The following PTPRD variants were observed in gnomAD, a reference collection of about 807,000 sequenced individuals.
The protein encoded by PTPRD is protein tyrosine phosphatase receptor type D.
A neutral mutation model predicts 214.5 loss-of-function variants in PTPRD; 34 were observed. That is an observed-to-expected ratio of 0.16 (90% CI 0.12 to 0.21). The LOEUF is 0.21. Ranked by LOEUF, PTPRD falls within the 10% of genes least tolerant of loss-of-function variation. PTPRD has a pLI of 1.00. For synonymous variants in PTPRD, 1,128 were observed against 845.7 expected (o/e 1.33, Z -5.79); for missense variants, 2,545 against 2,398.7 (o/e 1.06, Z -1.27).
intron 12 of PTPRD, among the ~76,000 whole-genome samples, chr9:8,699,778 A>C (rs994979667): frequency 2.6e-5 from 4 of 152,044 alleles, no homozygotes; most frequent in African/African-American, 7.2e-5. Context: ...AAAAGAAAAA[A>C]AAAAAAAGAA....
chr9:8,763,545 T>G (rs2094532068), intron 11 of PTPRD, among the ~76,000 whole-genome samples: 1 of 151,432 alleles, frequency 6.6e-6, no homozygotes, highest in Admixed American at 6.6e-5. Flanking sequence ...TGTATTAATA[T>G]AACATATATA....
intron 10 of PTPRD, among the ~76,000 whole-genome samples, chr9:9,154,035 C>T (rs1337009358): frequency 6.6e-6 from 1 of 152,082 alleles, no homozygotes; most frequent in Non-Finnish European, 1.5e-5. Context: ...TGTGAGTAGA[C>T]GTGATCTAGT....
chr9:8,766,352 T>G (rs2094746685), intron 11 of PTPRD, among the ~76,000 whole-genome samples: 1 of 151,950 alleles, frequency 6.6e-6, no homozygotes, highest in Non-Finnish European at 1.5e-5. Flanking sequence ...CCAGTGTCAG[T>G]GAGTAAGTAT....
intron 10 of PTPRD, among the ~76,000 whole-genome samples, chr9:9,175,799 C>T (rs1485400109): frequency 6.6e-6 from 1 of 152,030 alleles, no homozygotes; most frequent in East Asian, 1.9e-4. Context: ...ATGCTAGGTA[C>T]CTCCAGGATC....
intron 11 of PTPRD, among the ~76,000 whole-genome samples, chr9:8,762,936 G>A (rs182577830): frequency 2.6e-4 from 39 of 152,276 alleles, no homozygotes; most frequent in Middle Eastern, 3.4e-3. Context: ...AGCATGGGAT[G>A]GAGCCTCCTT....
At chr9:8,413,980 C>G (rs1405261472) in intron 35 of PTPRD, among the ~76,000 whole-genome samples, 1 of 152,052 alleles carries the variant, frequency 6.6e-6, no homozygotes, top group Non-Finnish European at 1.5e-5. Flanking sequence ...CTTGAGAACA[C>G]TGCTATGGGG....
At chr9:9,228,507 G>A (rs1176713296) in intron 9 of PTPRD, among the ~76,000 whole-genome samples, 2 of 152,000 alleles carry the variant, frequency 1.3e-5, no homozygotes, top group Non-Finnish European at 2.9e-5. Context: ...GAATGTGTGT[G>A]ATCATATATA....
intron 11 of PTPRD, among the ~76,000 whole-genome samples, chr9:8,768,976 C>G (rs924891789): frequency 2.6e-5 from 4 of 152,156 alleles, no homozygotes; most frequent in African/African-American, 9.7e-5. Flanking sequence ...TCCCGTGTTT[C>G]AAGGGTGTTT....
At chr9:9,181,188 G>T (rs75414927) in intron 10 of PTPRD, among the ~76,000 whole-genome samples, 1 of 151,466 alleles carries the variant, frequency 6.6e-6, no homozygotes, top group Non-Finnish European at 1.5e-5. Flanking sequence ...CACATACTAA[G>T]GGCTCAACAA....
chr9:8,739,865 G>A (rs566030230), intron 11 of PTPRD, among the ~76,000 whole-genome samples: 4 of 152,208 alleles, frequency 2.6e-5, no homozygotes, highest in East Asian at 3.9e-4. Flanking sequence ...TGATGATTAC[G>A]TAAGGGGGAG....
intron 2 of PTPRD, among the ~76,000 whole-genome samples, chr9:10,440,389 C>G (rs1024218438): frequency 5.3e-5 from 8 of 151,666 alleles, no homozygotes; most frequent in African/African-American, 1.9e-4. Context: ...ACAGTACTAT[C>G]ATATAAATCA....
intron 5 of PTPRD, among the ~76,000 whole-genome samples, chr9:9,804,571 A>T (rs1047687218): frequency 4.6e-5 from 7 of 152,104 alleles, no homozygotes; most frequent in African/African-American, 1.4e-4. Flanking sequence ...TTTTATTTCA[A>T]CCAGTTCTTG....
At chr9:9,083,913 G>A (rs959373861) in intron 10 of PTPRD, among the ~76,000 whole-genome samples, 2 of 152,172 alleles carry the variant, frequency 1.3e-5, no homozygotes, top group African/African-American at 4.8e-5. Flanking sequence ...ACAGATGCTA[G>A]AGAGGATGTG....
intron 11 of PTPRD, among the ~76,000 whole-genome samples, chr9:8,959,315 G>C (rs2099147197): frequency 6.6e-6 from 1 of 151,972 alleles, no homozygotes; most frequent in Non-Finnish European, 1.5e-5. Flanking sequence ...GAGGGCTCAG[G>C]AGAGGGGATC....
intron 7 of PTPRD, among the ~76,000 whole-genome samples, chr9:9,717,774 C>G (rs2097859468): frequency 6.6e-6 from 1 of 152,058 alleles, no homozygotes; most frequent in Non-Finnish European, 1.5e-5. Flanking sequence ...CAAGGTAAAC[C>G]CTTGTTTTTG....
At chr9:10,324,474 A>G (rs964995658) in intron 3 of PTPRD, among the ~76,000 whole-genome samples, 9 of 152,080 alleles carry the variant, frequency 5.9e-5, no homozygotes, top group Non-Finnish European at 1.0e-4. Context: ...GCCAACAAGT[A>G]GATGGATAAT....
At chr9:10,547,734 C>T (rs2060466687) in intron 2 of PTPRD, among the ~76,000 whole-genome samples, 1 of 151,652 alleles carries the variant, frequency 6.6e-6, no homozygotes, top group South Asian at 2.1e-4. Context: ...TATAGCAACA[C>T]TTGGTGAATT....
intron 5 of PTPRD, among the ~76,000 whole-genome samples, chr9:9,918,561 G>T (rs1194622590): frequency 6.6e-6 from 1 of 151,986 alleles, no homozygotes; most frequent in Non-Finnish European, 1.5e-5. Flanking sequence ...ATCATAAGAT[G>T]TAAATGGAAG....
intron 39 of PTPRD, among the ~76,000 whole-genome samples, chr9:8,345,103 C>G (rs1856320614): frequency 6.6e-6 from 1 of 152,034 alleles, no homozygotes. Flanking sequence ...TTCCTTTCCT[C>G]TGCCTTCTTT....
Sources: allele counts gnomAD v4.1 joint callset (sites outside exome capture counted in the v4.1 genomes callset), GRCh38; gene constraint gnomAD v4.1.1; transcripts MANE v1.5; gene names NCBI Gene and HGNC (gene_info 2026-07-23, HGNC 2026-07-21).